The following COP1 variants were observed in gnomAD, a reference collection of about 807,000 sequenced individuals.
COP1 encodes E3 ubiquitin-protein ligase COP1.
In COP1, 24 loss-of-function variants were observed where a neutral mutation model predicts 101.3. That is an observed-to-expected ratio of 0.24 (90% confidence interval 0.17 to 0.33). COP1 has a LOEUF of 0.33. Ranked by LOEUF, COP1 falls within the 10% of genes least tolerant of loss-of-function variation. The pLI is 1.00. For missense variants in COP1, 663 were observed against 906.2 expected (o/e 0.73, Z 3.45); for synonymous variants, 347 against 341.9 (o/e 1.01, Z -0.17).
chr1:176,189,378 A>G (rs539935118), intron 1 of COP1, among the ~76,000 whole-genome samples: 5 of 151,840 alleles, frequency 3.3e-5, no homozygotes, highest in South Asian at 4.2e-4. Flanking sequence ...GGACAGTATT[A>G]TGTTTCTTTT....
At chr1:176,179,765 TACA>T (rs1697487521) in intron 2 of COP1, among the ~76,000 whole-genome samples, 1 of 151,710 alleles carries the variant, frequency 6.6e-6, no homozygotes, top group Non-Finnish European at 1.5e-5. Flanking sequence ...TTTGTCAATA[TACA>T]AGAAATTATT....
rs1658258163 is a variant in COP1, at chr1:175,990,891, TA to T, written c.1730-1413del. ...TAAAGTCTATCTCTTGTAGACAGCA[TA>T]AAGCTGGATTCTAATTTTTTTTTTT... On this transcript the variant is annotated intron_variant, in intron 15 of 19. Transcript: ENST00000367669. 2.0e-5 allele frequency among the ~76,000 whole-genome samples: 3 copies of T among 151,362 alleles called. No homozygotes were observed. The South Asian group carries it at 6.2e-4, about 31-fold the overall frequency.
At chr1:176,007,855 G>A (rs1488534168) in intron 15 of COP1, among the ~76,000 whole-genome samples, 2 of 152,244 alleles carry the variant, frequency 1.3e-5, no homozygotes, top group Non-Finnish European at 2.9e-5. Flanking sequence ...GCCTCCTTCA[G>A]CTGTGGTGGG....
intron 15 of COP1, among the ~76,000 whole-genome samples, chr1:176,007,287 G>C (rs1485434592): frequency 6.6e-6 from 1 of 151,968 alleles, no homozygotes; most frequent in African/African-American, 2.4e-5. Flanking sequence ...CCTTTGGTTT[G>C]CATGTCCTCC....
At position 176,112,467 on chromosome 1, in the gene COP1, G is replaced by A. The variant is rs78244947; in HGVS notation, c.1026+4157C>T. Among the ~76,000 whole-genome samples the A allele has an allele frequency of 3.2e-3, 481 of 152,194 alleles. 1 individual carries two copies. Among genetic ancestry groups the A allele is most frequent in the African/African-American group, 0.011 (461 of 41,534 alleles). ...TCATGGTTGTGCATATCTGTGGGGG[G>A]TACATGTAATATTTTGATAGACGTA... On this transcript the variant is annotated intron_variant, in intron 9 of 19. Transcript: ENST00000367669.
chr1:176,163,288 A>G (rs1466450863), intron 4 of COP1, among the ~76,000 whole-genome samples: 5 of 152,154 alleles, frequency 3.3e-5, no homozygotes, highest in Non-Finnish European at 2.9e-5. Context: ...GTCTAGCCAT[A>G]TTTTCAATTT....
intron 8 of COP1, among the ~76,000 whole-genome samples, chr1:176,125,772 G>C (rs553619922): frequency 6.6e-6 from 1 of 152,014 alleles, no homozygotes; most frequent in Non-Finnish European, 1.5e-5. Flanking sequence ...AATGTCATTG[G>C]TGTTTTGATA....
At chr1:176,001,974 T>A (rs1003334973) in intron 15 of COP1, among the ~76,000 whole-genome samples, 23 of 152,140 alleles carry the variant, frequency 1.5e-4, no homozygotes, top group Admixed American at 9.2e-4. Flanking sequence ...ACATTAATCT[T>A]AATGAGGATC....
chr1:176,069,072 T>C (rs1425581494), intron 11 of COP1, among the ~76,000 whole-genome samples: 1 of 151,920 alleles, frequency 6.6e-6, no homozygotes, highest in African/African-American at 2.4e-5. Context: ...CTTGTAGTCC[T>C]AGCCACAGGG....
intron 15 of COP1, among the ~76,000 whole-genome samples, chr1:176,009,125 C>A (rs948872451): frequency 6.6e-6 from 1 of 152,234 alleles, no homozygotes; most frequent in Middle Eastern, 3.4e-3. Context: ...GCTTCTTGAC[C>A]CCCACCTTTG....
At chr1:176,164,868 T>C (rs1449258370) in intron 3 of COP1, among the ~76,000 whole-genome samples, 3 of 152,132 alleles carry the variant, frequency 2.0e-5, no homozygotes, top group Non-Finnish European at 4.4e-5. Context: ...AAACTACCAC[T>C]AGGCTAGGAA....
At chr1:176,061,997 T>C (rs748477215) in intron 11 of COP1, among the ~76,000 whole-genome samples, 3 of 151,236 alleles carry the variant, frequency 2.0e-5, no homozygotes, top group Non-Finnish European at 2.9e-5. Context: ...AAAGACCTGA[T>C]TATTATTATT....
At chr1:176,171,904 GCTTA>G (rs1284628362) in intron 3 of COP1, among the ~76,000 whole-genome samples, 1 of 152,198 alleles carries the variant, frequency 6.6e-6, no homozygotes, top group South Asian at 2.1e-4. Flanking sequence ...TGAATAAAAA[GCTTA>G]CTTATATATT....
chr1:176,119,589 A>T (rs1686770531), intron 8 of COP1, among the ~76,000 whole-genome samples: 1 of 152,216 alleles, frequency 6.6e-6, no homozygotes, highest in Middle Eastern at 3.4e-3. Context: ...CAATAGAAAA[A>T]TTTGAATAAT....
chr1:176,070,093 C>T (rs564022640), intron 11 of COP1, among the ~76,000 whole-genome samples: 1 of 152,304 alleles, frequency 6.6e-6, no homozygotes, highest in Admixed American at 6.5e-5. Flanking sequence ...AACCCTGTTG[C>T]TACTTGAACA....
chr1:175,993,631 A>G (rs1375653563), intron 15 of COP1, among the ~76,000 whole-genome samples: 3 of 152,244 alleles, frequency 2.0e-5, no homozygotes, highest in African/African-American at 7.2e-5. Flanking sequence ...ATGAACTGGA[A>G]GAAAGGGTAT....
At chr1:175,947,122 G>C in intron 19 of COP1, 73 bp downstream of exon 19, 1 of 994,010 alleles carries the variant, frequency 1.0e-6, no homozygotes, top group South Asian at 1.3e-5. Flanking sequence ...CAGTACAATG[G>C]TGTATTTCTA....
intron 18 of COP1, among the ~76,000 whole-genome samples, chr1:175,953,211 T>C (rs1231852648): frequency 6.6e-6 from 1 of 151,706 alleles, no homozygotes; most frequent in Non-Finnish European, 1.5e-5. Flanking sequence ...TTATAAACTT[T>C]AGAGAAACCA....
chr1:176,160,255 CTTTTTTTT>C (rs67600151), intron 5 of COP1: 174 of 238,692 alleles, frequency 7.3e-4, no homozygotes, highest in Admixed American at 1.3e-3. Flanking sequence ...CCACACACAT[CTTTTTTTT>C]TTTTTTTTTT....
Sources: gnomAD v4.1 joint callset for allele counts (sites outside exome capture counted in the v4.1 genomes callset) on GRCh38, gnomAD v4.1.1 for gene constraint, MANE v1.5 for transcripts, NCBI Gene and HGNC (gene_info 2026-07-23, HGNC 2026-07-21) for gene names.